The following SMARCC2 variants were observed in gnomAD, a reference collection of about 807,000 sequenced individuals.
SMARCC2 encodes SWI/SNF related BAF chromatin remodeling complex subunit C2, also known as SWI/SNF complex subunit SMARCC2.
A neutral mutation model predicts 151.3 loss-of-function variants in SMARCC2; 15 were observed. The observed-to-expected ratio is 0.10, with a 90% CI of 0.07 to 0.15. The LOEUF is 0.15. Ranked by LOEUF, SMARCC2 falls within the 10% of genes least tolerant of loss-of-function variation. SMARCC2 has a pLI of 1.00. For missense variants in SMARCC2, 1,031 were observed against 1,599.7 expected (o/e 0.64, Z 6.06); for synonymous variants, 590 against 609.5 (o/e 0.97, Z 0.47).
chr12:56,183,809 G>A (rs1876718913), intron 7 of SMARCC2, 52 bp downstream of exon 7: 7 of 1,268,574 alleles, frequency 5.5e-6, no homozygotes, highest in Middle Eastern at 2.0e-4. Flanking sequence ...ATGTCCTAGG[G>A]CTTCTGGGTC....
intron 8 of SMARCC2, 50 bp downstream of exon 8, chr12:56,181,954 A>T (rs1290272002): frequency 1.3e-6 from 2 of 1,585,886 alleles, no homozygotes; most frequent in South Asian, 2.2e-5. Context: ...CAAAGGGTAG[A>T]CTGTTCCTGG....
intron 10 of SMARCC2, 69 bp from the exon 11 acceptor site, chr12:56,181,170 C>G (rs1397615848): frequency 1.0e-5 from 15 of 1,502,416 alleles, no homozygotes; most frequent in Non-Finnish European, 2.7e-6. Context: ...AGTTGAAGTT[C>G]AAGGGAAGGG....
At chr12:56,179,387 G>A (rs568545609) in intron 11 of SMARCC2, among the ~76,000 whole-genome samples, 2 of 152,310 alleles carry the variant, frequency 1.3e-5, no homozygotes, top group East Asian at 3.9e-4. Flanking sequence ...ATGGTTAAGT[G>A]TTAAACATTT....
intron 14 of SMARCC2, 57 bp from the exon 15 acceptor site, chr12:56,178,150 C>T (rs1411903657): frequency 1.1e-5 from 15 of 1,415,778 alleles, no homozygotes; most frequent in Non-Finnish European, 1.5e-5. Flanking sequence ...GATGGGGGCC[C>T]CAAAGGGAGG....
intron 11 of SMARCC2, 33 bp downstream of exon 11, chr12:56,180,944 G>A: frequency 1.3e-6 from 2 of 1,591,950 alleles, no homozygotes; most frequent in Admixed American, 1.7e-5. Context: ...CGGGGAGTGG[G>A]GGTGGATCCC....
chr12:56,178,958 T>C (rs761560173), intron 12 of SMARCC2, 39 bp downstream of exon 12: 66 of 1,611,248 alleles, frequency 4.1e-5, no homozygotes, highest in Admixed American at 1.5e-4. Flanking sequence ...TCCCCTTCCC[T>C]TGGCTCTGAC....
At chr12:56,168,231 G>T (rs767309838) in intron 25 of SMARCC2, 37 bp from the exon 26 acceptor site, 1 of 1,612,284 alleles carries the variant, frequency 6.2e-7, no homozygotes. Context: ...ATCAGTGGGA[G>T]GACCCAACTG....
intron 28 of SMARCC2, 53 bp downstream of exon 28, chr12:56,164,250 C>G: frequency 1.3e-6 from 2 of 1,545,788 alleles, no homozygotes; most frequent in Admixed American, 3.7e-5. Flanking sequence ...GCTCACCCTC[C>G]CTCCAGGTGG....
chr12:56,179,677 CTCT>C (rs1313035987), intron 11 of SMARCC2, among the ~76,000 whole-genome samples: 1 of 152,164 alleles, frequency 6.6e-6, no homozygotes, highest in African/African-American at 2.4e-5. Context: ...TACAGAACTT[CTCT>C]TCATGTTTTT....
chr12:56,172,702 C>A lies in SMARCC2; in HGVS notation c.1746G>T (p.Gln582His). Residue 582 changes from glutamine (Q) to histidine (H), a missense_variant and splice_region_variant, in exon 19 of 29, where the codon CAG (glutamine) becomes CAT (histidine). Transcript: ENST00000550164. ...PETAKGKPEL[Q>H]TSASQQMLNF... ...TGAGCATTTGTTGGGAAGCAGAGGTCTGCTATTTGTGGAGGGAAAGAAACA... is the reference window on the plus strand; with the variant it reads ...TGAGCATTTGTTGGGAAGCAGAGGTATGCTATTTGTGGAGGGAAAGAAACA... The A allele has an allele frequency of 1.9e-6, 3 of 1,614,138 alleles. No homozygotes were observed. Among genetic ancestry groups the A allele is most frequent in the Non-Finnish European group, 2.5e-6 (3 of 1,180,040 alleles).
At position 56,164,657 on chromosome 12, in the gene SMARCC2, C is replaced by T; in HGVS notation, c.3307G>A (p.Gly1103Ser). The change falls in exon 28 of 29, where the codon GGC becomes AGC. Residue 1103 changes from glycine (G) to serine (S), a missense_variant. This residue lies in a region of SMARCC2 where 310 missense variants were observed against 350.0 expected (regional missense o/e 0.89). Transcript: ENST00000550164. ...PGAVPGSGHPGVAGNAPLGLP... is the reference protein window; with the variant it reads ...PGAVPGSGHPSVAGNAPLGLP... ...CCCAAAGGAGCATTACCCGCCACGC[C>T]TGGGTGCCCGCTGCCTGGCACTGCC... is the stretch of plus-strand genomic sequence containing the variant. 4 of 1,612,554 alleles carry T rather than the reference C, an allele frequency of 2.5e-6. No homozygotes were observed. Among genetic ancestry groups the T allele is most frequent in the Non-Finnish European group, 3.4e-6 (4 of 1,179,354 alleles).
chr12:56,180,296 A>G (rs1212215838), intron 11 of SMARCC2, among the ~76,000 whole-genome samples: 2 of 151,144 alleles, frequency 1.3e-5, no homozygotes, highest in African/African-American at 4.9e-5. Context: ...TTTTTGGTAT[A>G]GACAGGGTTT....
rs76776305 is a variant in SMARCC2 at position 56,187,363 on chromosome 12, C to T, written c.112-57G>A. 1.3e-3 allele frequency: 2,019 copies of T among 1,535,740 alleles called. 17 individuals carry two copies. The highest frequency in any genetic ancestry group is 0.01 in the Middle Eastern group (59 of 5,800). On this transcript the variant is annotated intron_variant, in intron 1 of 28. Coordinates refer to ENST00000550164, the MANE Select transcript of SMARCC2 (RefSeq NM_001330288.2). Reference sequence around the variant, plus strand: ...AGATCTCAGATAAATTGTCCACTATCTCCCATATTTCTCCCCCAGGGGCTC... The same window carrying T: ...AGATCTCAGATAAATTGTCCACTATTTCCCATATTTCTCCCCCAGGGGCTC...
intron 16 of SMARCC2, 48 bp downstream of exon 16, chr12:56,174,603 T>C (rs1370718610): frequency 8.2e-7 from 1 of 1,226,344 alleles, no homozygotes; most frequent in East Asian, 2.3e-5. Flanking sequence ...AACACATCCA[T>C]AGGCAGGCAT....
intron 25 of SMARCC2, among the ~76,000 whole-genome samples, chr12:56,169,062 A>C (rs900428892): frequency 6.6e-6 from 1 of 151,844 alleles, no homozygotes; most frequent in Non-Finnish European, 1.5e-5. Context: ...GGGAGGCCAA[A>C]GCGGGTGGAT....
intron 13 of SMARCC2, 87 bp from the exon 14 acceptor site, chr12:56,178,621 C>T: frequency 4.4e-6 from 7 of 1,579,646 alleles, no homozygotes; most frequent in African/African-American, 1.3e-5. Context: ...GGAATGTGGA[C>T]ACTAAAGATG....
chr12:56,179,645 C>T (rs1340769900), intron 11 of SMARCC2, among the ~76,000 whole-genome samples: 3 of 152,204 alleles, frequency 2.0e-5, no homozygotes, highest in Non-Finnish European at 4.4e-5. Flanking sequence ...AAAAGATGAT[C>T]CACTGCAACT....
chr12:56,162,581 T>C lies in SMARCC2; in HGVS notation c.*1108A>G. ...GTCACAGGGGAGAAGCTGGGACACG[T>C]GGAGCAGGAATGCGGGAAGCAGAGT... On this transcript the variant is annotated 3_prime_UTR_variant, in exon 29 of 29. Coordinates refer to ENST00000550164, the MANE Select transcript of SMARCC2 (RefSeq NM_001330288.2). 1 of 452,522 alleles carries C rather than the reference T, an allele frequency of 2.2e-6. No homozygotes were observed. Among genetic ancestry groups the C allele is most frequent in the South Asian group, 3.2e-5 (1 of 31,582 alleles). The allele number at this position is 452,522 out of a possible 1,614,324, so 28.0% of individuals were successfully genotyped here.
Position 56,172,784 on chromosome 12 carries a change from A to G in SMARCC2, c.1744-80T>C, listed in dbSNP as rs932324465. On this transcript the variant is annotated intron_variant, in intron 18 of 28. Transcript: ENST00000550164. ...GCTGACAGAGAGAAAAAACAGACAGAAGGAGCTTCTTTCCCAAAGCCAGGG... is the reference window on the plus strand; with the variant it reads ...GCTGACAGAGAGAAAAAACAGACAGGAGGAGCTTCTTTCCCAAAGCCAGGG... The G allele has an allele frequency of 3.1e-6, 5 of 1,597,726 alleles. No individual in the cohort carries two copies. In the African/African-American group the frequency reaches 5.4e-5, roughly 17 times the overall value.
Sources: allele counts gnomAD v4.1 joint callset (sites outside exome capture counted in the v4.1 genomes callset), GRCh38; gene constraint gnomAD v4.1.1; regional missense constraint gnomAD v4.1.1; transcripts MANE v1.5; gene names NCBI Gene and HGNC (gene_info 2026-07-23, HGNC 2026-07-21).